RPS6KC1: variants seen among roughly 807,000 people sequenced by gnomAD.
The protein encoded by RPS6KC1 is inactive ribosomal protein S6 kinase delta-1.
In RPS6KC1, 54 loss-of-function variants were observed where a neutral mutation model predicts 103.8. The observed-to-expected ratio is 0.52, with a 90% CI of 0.42 to 0.65. The LOEUF (loss-of-function observed/expected upper bound fraction) is 0.65. Among genes scored for constraint, RPS6KC1 ranks in the 30% least tolerant of loss-of-function variants. The pLI is 0.00. For missense variants in RPS6KC1, 1,151 were observed against 1,253.8 expected, an observed-to-expected ratio of 0.92 and a Z score of 1.24; for synonymous variants, 439 against 438.7, an observed-to-expected ratio of 1.00 and a Z score of -0.01.
chr1:213,205,540 A>G (rs1377413761), intron 8 of RPS6KC1, among the ~76,000 whole-genome samples: 1 of 108,638 alleles, frequency 9.2e-6, no homozygotes, highest in East Asian at 2.4e-4. Context: ...ACTCATTTAT[A>G]TATATAGATA....
At chr1:213,819,583 A>G in the RPS6KC1 span, 1 of 152,248 alleles carries the variant, frequency 6.6e-6, no homozygotes, top group African/African-American at 2.4e-5. Context: ...AATCTTTCCG[A>G]ACATTCATTT....
chr1:213,386,974 G>A, the RPS6KC1 span, among the ~76,000 whole-genome samples: 1 of 152,354 alleles, frequency 6.6e-6, no homozygotes. Flanking sequence ...AGGGCAGAGA[G>A]TCAGCTCTTG....
chr1:213,424,530 T>G, the RPS6KC1 span, among the ~76,000 whole-genome samples: 3 of 152,254 alleles, frequency 2.0e-5, no homozygotes, highest in Non-Finnish European at 4.4e-5. Flanking sequence ...TGCCCTTGTG[T>G]TACTCCAGGG....
rs2084116760 is a variant in RPS6KC1, at chr1:213,119,470, ATATATATATATATATATATATATATAT to A, written c.472+2061_472+2087del. 5.7e-4 allele frequency among the ~76,000 whole-genome samples: 10 copies of A among 17,594 alleles called. No homozygotes were observed. The South Asian group carries it at 0.021, about 38-fold the overall frequency. The allele number at this position is 17,594 out of a possible 152,430, so 11.5% of individuals were successfully genotyped here. On this transcript the variant is annotated intron_variant, in intron 5 of 14. Transcript: ENST00000366960. ...TATATATATATATATATATATATAT[ATATATATATATATATATATATATATAT>A]ATGAGAGTATTCAATGAGGAGTGCA...
intron 3 of RPS6KC1, among the ~76,000 whole-genome samples, chr1:213,084,064 T>G (rs1487448353): frequency 2.0e-5 from 3 of 152,036 alleles, no homozygotes; most frequent in Non-Finnish European, 4.4e-5. Context: ...TCCAACCAGA[T>G]TCACTTATTG....
chr1:213,368,636 A>G, the RPS6KC1 span, among the ~76,000 whole-genome samples: 1 of 152,182 alleles, frequency 6.6e-6, no homozygotes, highest in African/African-American at 2.4e-5. Context: ...TGGGAAAGCA[A>G]ACCGTAAGTT....
chr1:213,132,565 T>C (rs1177536331), intron 6 of RPS6KC1, among the ~76,000 whole-genome samples: 1 of 152,226 alleles, frequency 6.6e-6, no homozygotes, highest in Non-Finnish European at 1.5e-5. Context: ...CTTCAATTTC[T>C]GGGGAAACTG....
At chr1:213,619,897 A>G in the RPS6KC1 span, among the ~76,000 whole-genome samples, 10,495 of 152,292 alleles carry the variant, frequency 0.069, 668 homozygotes, top group East Asian at 0.3. Flanking sequence ...CATGAATAGA[A>G]GTAGTAGAGG....
chr1:213,528,138 T>G, the RPS6KC1 span, among the ~76,000 whole-genome samples: 1 of 152,092 alleles, frequency 6.6e-6, no homozygotes, highest in African/African-American at 2.4e-5. Context: ...ACACTGCTAA[T>G]AAAGACATAC....
At chr1:213,485,468 C>T in the RPS6KC1 span, among the ~76,000 whole-genome samples, 1 of 152,036 alleles carries the variant, frequency 6.6e-6, no homozygotes, top group Non-Finnish European at 1.5e-5. Context: ...TGATGGGACA[C>T]CAAAAATGTC....
At chr1:213,664,687 C>A in the RPS6KC1 span, among the ~76,000 whole-genome samples, 1 of 152,174 alleles carries the variant, frequency 6.6e-6, no homozygotes, top group East Asian at 1.9e-4. Flanking sequence ...ACTATGGAAA[C>A]AATGCCCCTG....
the RPS6KC1 span, among the ~76,000 whole-genome samples, chr1:213,440,061 T>G: frequency 1.3e-5 from 2 of 152,308 alleles, no homozygotes; most frequent in African/African-American, 4.8e-5. Flanking sequence ...GCCTTGTTCA[T>G]GAGACAATTA....
At chr1:213,621,184 T>C in the RPS6KC1 span, among the ~76,000 whole-genome samples, 19,418 of 152,196 alleles carry the variant, frequency 0.13, 1,364 homozygotes, top group Middle Eastern at 0.21. Context: ...TTGCCTTGAC[T>C]TGAGCTATTT....
intron 3 of RPS6KC1, among the ~76,000 whole-genome samples, chr1:213,100,602 G>A (rs1441748872): frequency 6.6e-6 from 1 of 151,966 alleles, no homozygotes; most frequent in Non-Finnish European, 1.5e-5. Flanking sequence ...CCCGCTTTTG[G>A]AGTTCTCAAT....
In RPS6KC1 at chr1:213,205,910, C is replaced by T. The variant is rs556583974; in HGVS notation, c.1045-24587C>T. Among the ~76,000 whole-genome samples the T allele has an allele frequency of 5.9e-5, 9 of 152,114 alleles. No individual in the cohort carries two copies. The East Asian group carries it at 7.7e-4, about 13-fold the overall frequency. On this transcript the variant is annotated intron_variant, in intron 8 of 14. Coordinates refer to ENST00000366960, the MANE Select transcript of RPS6KC1 (RefSeq NM_012424.6). ...CATTATATTTACCAGTTGAGCATCC[C>T]AAATCCAAAAATCCCAAATCTGAAA...
chr1:213,312,921 T>C, the RPS6KC1 span, among the ~76,000 whole-genome samples: 1 of 152,226 alleles, frequency 6.6e-6, no homozygotes, highest in Admixed American at 6.5e-5. Context: ...CAGATGCATT[T>C]CATGCTAAAA....
At chr1:213,601,561 T>A in the RPS6KC1 span, among the ~76,000 whole-genome samples, 1 of 151,780 alleles carries the variant, frequency 6.6e-6, no homozygotes, top group Admixed American at 6.6e-5. Flanking sequence ...AGGACTAGAT[T>A]CTGTGCTGGG....
chr1:213,734,635 A>C, the RPS6KC1 span, among the ~76,000 whole-genome samples: 20 of 152,224 alleles, frequency 1.3e-4, no homozygotes, highest in African/African-American at 4.1e-4. Flanking sequence ...TAAATGCCAA[A>C]ATATGCTTGT....
At chr1:213,153,356 G>A (rs1055173859) in intron 6 of RPS6KC1, among the ~76,000 whole-genome samples, 6 of 151,996 alleles carry the variant, frequency 3.9e-5, no homozygotes, top group African/African-American at 1.4e-4. Flanking sequence ...GGCATTATAT[G>A]TTTTTTTGTT....
Sources: allele counts gnomAD v4.1 joint callset (sites outside exome capture counted in the v4.1 genomes callset), GRCh38; gene constraint gnomAD v4.1.1; transcripts MANE v1.5; gene names NCBI Gene and HGNC (gene_info 2026-07-23, HGNC 2026-07-21).